PCDH15: variants seen among roughly 807,000 people sequenced by gnomAD.
PCDH15 encodes protocadherin related 15.
A neutral mutation model predicts 178.5 loss-of-function variants in PCDH15; 129 were observed. The ratio of observed to expected loss-of-function variants is 0.72; its 90% CI spans 0.63 to 0.84. The LOEUF (loss-of-function observed/expected upper bound fraction) is 0.84. Among genes scored for constraint, PCDH15 ranks in the 40% least tolerant of loss-of-function variants. PCDH15 has a pLI of 0.00. For missense variants in PCDH15, 2,230 were observed against 2,099.9 expected (o/e 1.06, Z -1.21); for synonymous variants, 800 against 732.0 (o/e 1.09, Z -1.50).
At chr10:54,757,276 C>CTTTTTTT (rs57411772) in intron 1 of PCDH15, among the ~76,000 whole-genome samples, 22 of 34,188 alleles carry the variant, frequency 6.4e-4, no homozygotes, top group East Asian at 1.7e-3. Flanking sequence ...AGAATTCTAC[C>CTTTTTTT]TTTTTTTTTT....
chr10:55,467,464 T>A (rs915854638), intron 2 of PCDH15, among the ~76,000 whole-genome samples: 1 of 151,078 alleles, frequency 6.6e-6, no homozygotes, highest in Admixed American at 6.6e-5. Context: ...ATCTACAAAA[T>A]GAATATTTTA....
chr10:55,566,973 C>G (rs1452992147), intron 2 of PCDH15, among the ~76,000 whole-genome samples: 2 of 151,862 alleles, frequency 1.3e-5, no homozygotes, highest in Non-Finnish European at 2.9e-5. Flanking sequence ...CTCCAAATAG[C>G]TAAATTGATC....
Position 53,809,452 on chromosome 10 carries a change from G to A in PCDH15, c.4671+1104C>T, listed in dbSNP as rs1052587266. On this transcript the variant is annotated intron_variant, in intron 37 of 37. Coordinates refer to ENST00000644397, the MANE Select transcript of PCDH15 (RefSeq NM_001384140.1). ...CTTCCATGTTGTGTATGTAGGCTCA[G>A]CTGCTGGTGGTTTTTCGATAGTTAC... 1 of 1,613,866 alleles carries A rather than the reference G, an allele frequency of 6.2e-7. No homozygotes were observed. The highest frequency in any genetic ancestry group is 1.3e-5 in the African/African-American group (1 of 74,926).
intron 7 of PCDH15, among the ~76,000 whole-genome samples, chr10:54,324,889 T>C (rs1185682526): frequency 6.6e-6 from 1 of 151,882 alleles, no homozygotes; most frequent in Non-Finnish European, 1.5e-5. Flanking sequence ...TAAAAGAGAG[T>C]TTGCTTTGAA....
chr10:55,460,481 T>G (rs1469863301), intron 2 of PCDH15, among the ~76,000 whole-genome samples: 2 of 152,088 alleles, frequency 1.3e-5, no homozygotes, highest in African/African-American at 4.8e-5. Flanking sequence ...ATCTTTTCTT[T>G]GTCTACATCT....
intron 2 of PCDH15, among the ~76,000 whole-genome samples, chr10:54,903,866 G>C (rs1055394342): frequency 6.6e-6 from 1 of 152,046 alleles, no homozygotes; most frequent in Admixed American, 6.6e-5. Context: ...TGAATATGAA[G>C]AGCGTAGTTC....
intron 26 of PCDH15, among the ~76,000 whole-genome samples, chr10:53,874,582 T>C (rs1313090587): frequency 6.6e-6 from 1 of 152,126 alleles, no homozygotes; most frequent in African/African-American, 2.4e-5. Context: ...TGACTGAAAA[T>C]GGCCTGGTCT....
At chr10:54,784,775 A>G (rs1158408560) in intron 1 of PCDH15, among the ~76,000 whole-genome samples, 2 of 152,170 alleles carry the variant, frequency 1.3e-5, no homozygotes, top group Non-Finnish European at 2.9e-5. Context: ...ATAACTCTGC[A>G]TAATCATATA....
rs533679927 is a variant in PCDH15 at position 55,318,248 on chromosome 10, A to G, written c.-156+1351T>C. 1.5e-4 allele frequency among the ~76,000 whole-genome samples: 23 copies of G among 152,250 alleles called. No homozygotes were observed. The South Asian group carries it at 3.5e-3, about 23-fold the overall frequency. ...AGAGAGAGAGAGGGAGAGAGAGTAC[A>G]TGAGTATGTGTTGGGGGCAGGGGTG... On this transcript the variant is annotated intron_variant, in intron 1 of 5. Transcript: ENST00000458638.
At chr10:54,593,062 TTATA>T (rs998892256) in intron 2 of PCDH15, among the ~76,000 whole-genome samples, 57 of 152,316 alleles carry the variant, frequency 3.7e-4, no homozygotes, top group African/African-American at 1.3e-3. Context: ...TGTGAACTCC[TTATA>T]TATTTTGAAT....
chr10:55,203,409 C>T (rs983643386), intron 1 of PCDH15, among the ~76,000 whole-genome samples: 17 of 151,942 alleles, frequency 1.1e-4, no homozygotes, highest in East Asian at 3.9e-4. Flanking sequence ...AATAATGCTA[C>T]GTGGAGAGTC....
chr10:54,353,070 T>C (rs1421895009), intron 5 of PCDH15, among the ~76,000 whole-genome samples: 2 of 152,280 alleles, frequency 1.3e-5, no homozygotes, highest in East Asian at 3.9e-4. Flanking sequence ...CAACATTTTC[T>C]GACAATTATG....
chr10:54,786,212 A>G (rs1950861119), intron 1 of PCDH15, among the ~76,000 whole-genome samples: 1 of 152,034 alleles, frequency 6.6e-6, no homozygotes, highest in Admixed American at 6.6e-5. Flanking sequence ...ATTCATCTGT[A>G]TATCAATGCT....
chr10:55,614,113 CAAA>C (rs34985733), intron 2 of PCDH15, among the ~76,000 whole-genome samples: 2 of 141,330 alleles, frequency 1.4e-5, no homozygotes, highest in South Asian at 2.3e-4. Flanking sequence ...GACTCCATCT[CAAA>C]AAAAAAAAAA....
At chr10:54,567,974 C>T (rs985984144) in intron 2 of PCDH15, among the ~76,000 whole-genome samples, 3 of 152,084 alleles carry the variant, frequency 2.0e-5, no homozygotes, top group African/African-American at 7.2e-5. Context: ...ATTTCTGCTA[C>T]GTATACTTAT....
intron 2 of PCDH15, among the ~76,000 whole-genome samples, chr10:55,491,147 T>C (rs1004467032): frequency 4.6e-5 from 7 of 151,744 alleles, no homozygotes; most frequent in African/African-American, 1.7e-4. Flanking sequence ...TAGATCTGTT[T>C]TGGAAGTTCT....
chr10:54,976,445 T>C (rs1839074056), intron 2 of PCDH15, among the ~76,000 whole-genome samples: 2 of 152,068 alleles, frequency 1.3e-5, no homozygotes, highest in African/African-American at 2.4e-5. Context: ...TTTTCAAGCA[T>C]AGCCTAATTG....
chr10:55,027,034 A>G (rs971134605), intron 2 of PCDH15, among the ~76,000 whole-genome samples: 3 of 151,950 alleles, frequency 2.0e-5, no homozygotes, highest in Non-Finnish European at 2.9e-5. Context: ...TAAGAGAAAG[A>G]TGGGATAGGA....
chr10:55,483,683 G>A (rs1449894411), intron 2 of PCDH15, among the ~76,000 whole-genome samples: 1 of 151,598 alleles, frequency 6.6e-6, no homozygotes, highest in East Asian at 1.9e-4. Flanking sequence ...TACTGTGGTG[G>A]TGTGTGTCTG....
Sources: gnomAD v4.1 joint callset for allele counts (sites outside exome capture counted in the v4.1 genomes callset) on GRCh38, gnomAD v4.1.1 for gene constraint, MANE v1.5 for transcripts, NCBI Gene and HGNC (gene_info 2026-07-23, HGNC 2026-07-21) for gene names.